TRHDE: variants seen among roughly 807,000 people sequenced by gnomAD.
TRHDE encodes the protein thyrotropin releasing hormone degrading enzyme.
In TRHDE, 72 loss-of-function variants were observed where a neutral mutation model predicts 125.7. That is an observed-to-expected ratio of 0.57 (90% CI 0.47 to 0.70). The LOEUF is 0.70. Ranked by LOEUF, TRHDE falls within the 30% of genes least tolerant of loss-of-function variation. TRHDE has a pLI of 0.00. For missense variants in TRHDE, 1,110 were observed against 1,327.1 expected (o/e 0.84, Z 2.54); for synonymous variants, 509 against 509.1 (o/e 1.00, Z 0.00).
chr12:72,663,319 A>AT lies in TRHDE; in HGVS notation c.*134dup, dbSNP rs575989454. 1,753 of 644,372 alleles carry AT rather than the reference A, an allele frequency of 2.7e-3. No homozygotes were observed. The highest frequency in any genetic ancestry group is 4.9e-3 in the Middle Eastern group (10 of 2,058). 39.9% of individuals were successfully genotyped at this position (644,372 alleles called of 1,614,324 possible). ...TTTTCAGTGTTAACGTGTGGGAGGA[A>AT]TTTTTTTTTTAGTTTTTATTTTTTG... On this transcript the variant is annotated 3_prime_UTR_variant, in exon 19 of 19. Coordinates refer to ENST00000261180, the MANE Select transcript of TRHDE (RefSeq NM_013381.3).
At position 72,653,002 on chromosome 12, in the gene TRHDE, T is replaced by A. The variant is rs1278603220; in HGVS notation, c.2844-14T>A. The stretch of plus-strand genomic sequence containing the variant: ...TATTGGACTAAAAATTTTTACAAAA[T>A]TCTATCTTTGAAGGCTTCTAAATCT... On this transcript the variant is annotated splice_polypyrimidine_tract_variant and intron_variant, in intron 16 of 18. Coordinates refer to ENST00000261180, the MANE Select transcript of TRHDE (RefSeq NM_013381.3). 1 of 1,583,390 alleles carries A rather than the reference T, an allele frequency of 6.3e-7. No individual in the cohort carries two copies. Among genetic ancestry groups the A allele is most frequent in the Admixed American group, 1.9e-5 (1 of 53,164 alleles).
chr12:72,613,804 G>A (rs1592572603), intron 12 of TRHDE, among the ~76,000 whole-genome samples: 1 of 152,110 alleles, frequency 6.6e-6, no homozygotes, highest in African/African-American at 2.4e-5. Flanking sequence ...TTTTCTCTGT[G>A]CACCTTTTCA....
chr12:72,593,092 T>C (rs1474676760), intron 12 of TRHDE, among the ~76,000 whole-genome samples: 2 of 152,216 alleles, frequency 1.3e-5, no homozygotes, highest in Non-Finnish European at 2.9e-5. Flanking sequence ...AGGAATATGC[T>C]TGCTGTCTCT....
At chr12:72,370,946 T>TTGGCCA (rs1486952325) in intron 2 of TRHDE, among the ~76,000 whole-genome samples, 1 of 152,118 alleles carries the variant, frequency 6.6e-6, no homozygotes, top group Non-Finnish European at 1.5e-5. Flanking sequence ...TTTCGCCATG[T>TTGGCCA]TGGCCATGCG....
At chr12:72,475,614 T>C (rs1227063317) in intron 5 of TRHDE, among the ~76,000 whole-genome samples, 2 of 152,184 alleles carry the variant, frequency 1.3e-5, no homozygotes, top group African/African-American at 4.8e-5. Flanking sequence ...TTCTGGAAAA[T>C]ATTTTTAGAG....
chr12:72,254,984 T>A (rs1271074753), intron 2 of TRHDE: 3 of 152,294 alleles, frequency 2.0e-5, no homozygotes, highest in Non-Finnish European at 4.4e-5. Flanking sequence ...TCTTTTTCCA[T>A]TCACTCTTGA....
intron 3 of TRHDE, among the ~76,000 whole-genome samples, chr12:72,439,346 T>C (rs1185079734): frequency 1.3e-5 from 2 of 151,914 alleles, no homozygotes; most frequent in African/African-American, 4.8e-5. Context: ...ATATCATTGG[T>C]TATTTTGATA....
upstream of TRHDE, chr12:72,271,927 G>A: frequency 2.2e-6 from 1 of 456,620 alleles, no homozygotes; most frequent in Non-Finnish European, 4.4e-6. Flanking sequence ...GCAACCTCCT[G>A]CCGTTTGCCG....
chr12:72,100,587 C>T (rs904413512), intron 1 of TRHDE, among the ~76,000 whole-genome samples: 1 of 152,156 alleles, frequency 6.6e-6, no homozygotes, highest in African/African-American at 2.4e-5. Context: ...CTGTGGACAT[C>T]CCTTCTACTT....
At position 72,669,933 on chromosome 12, in the gene TRHDE, A is replaced by T. The variant is rs1875209415; in HGVS notation, c.*6738A>T. The T allele has an allele frequency of 6.6e-6, 1 of 151,776 alleles. No individual in the cohort carries two copies. Among genetic ancestry groups the T allele is most frequent in the Admixed American group, 6.6e-5 (1 of 15,178 alleles). 9.4% of individuals were successfully genotyped at this position (151,776 alleles called of 1,614,324 possible). A position where few individuals can be genotyped will look rare whatever the true frequency, so the allele number is the denominator to read the frequency against. ...CAGATTAGGGCTGAAAAACTAAAAA[A>T]GATTAGGGCTTGTATTATGCATTGT... is the stretch of plus-strand genomic sequence containing the variant. On this transcript the variant is annotated 3_prime_UTR_variant, in exon 19 of 19. Transcript: ENST00000261180.
At chr12:72,204,617 T>G (rs765413730) in intron 2 of TRHDE, among the ~76,000 whole-genome samples, 1 of 152,210 alleles carries the variant, frequency 6.6e-6, no homozygotes, top group Non-Finnish European at 1.5e-5. Context: ...AAATTTAAAT[T>G]CATTACTTTT....
At chr12:72,544,166 G>C (rs894470462) in intron 7 of TRHDE, among the ~76,000 whole-genome samples, 1 of 151,408 alleles carries the variant, frequency 6.6e-6, no homozygotes, top group Non-Finnish European at 1.5e-5. Context: ...AACTGATTTA[G>C]TGTATCATCA....
In TRHDE at chr12:72,273,510, G is replaced by A. The variant is rs531451722; in HGVS notation, c.867G>A (p.Glu289=). The A allele has an allele frequency of 9.9e-6, 16 of 1,608,384 alleles. 1 individual carries two copies. In the South Asian group the frequency reaches 1.8e-4, roughly 18 times the overall value. Residue 289 remains glutamate, a synonymous_variant, in exon 1 of 19, where the codon GAG becomes GAA. Coordinates refer to ENST00000261180, the MANE Select transcript of TRHDE (RefSeq NM_013381.3). The surrounding 1 kb of genome is among the most constrained non-coding windows in gnomAD (Gnocchi z 5.3). ...TCTACAACGCGCTCATCGAGAATGA[G>A]CTCCTGGGCTTCTTCCGCAGCTCCT... ...KIIYNALIEN[E]LLGFFRSSYV... is the part of the protein sequence containing the mutation.
At chr12:72,590,159 T>A (rs1871612882) in intron 12 of TRHDE, among the ~76,000 whole-genome samples, 1 of 152,000 alleles carries the variant, frequency 6.6e-6, no homozygotes, top group African/African-American at 2.4e-5. Flanking sequence ...TTACTTTATT[T>A]TTTTTGTTTT....
intron 3 of TRHDE, among the ~76,000 whole-genome samples, chr12:72,468,543 C>T (rs960655909): frequency 6.6e-6 from 1 of 152,180 alleles, no homozygotes; most frequent in African/African-American, 2.4e-5. Flanking sequence ...AAACACTATG[C>T]TTGGCATTGT....
chr12:72,420,412 A>C (rs973884077), intron 3 of TRHDE, among the ~76,000 whole-genome samples: 1 of 152,176 alleles, frequency 6.6e-6, no homozygotes, highest in African/African-American at 2.4e-5. Context: ...TGGAAGGTGC[A>C]AACTATTTAC....
intron 5 of TRHDE, among the ~76,000 whole-genome samples, chr12:72,486,723 C>T (rs1877426023): frequency 6.6e-6 from 1 of 152,126 alleles, no homozygotes; most frequent in African/African-American, 2.4e-5. Context: ...AGTATGCAAA[C>T]ATACATGCAG....
chr12:72,448,161 C>G (rs751856589), intron 3 of TRHDE, among the ~76,000 whole-genome samples: 4 of 152,036 alleles, frequency 2.6e-5, no homozygotes, highest in African/African-American at 4.8e-5. Flanking sequence ...ACATTTCTTG[C>G]TAATTCTGTT....
chr12:72,315,670 C>A (rs1565695451), intron 2 of TRHDE, among the ~76,000 whole-genome samples: 2 of 152,192 alleles, frequency 1.3e-5, no homozygotes, highest in African/African-American at 2.4e-5. Flanking sequence ...CACAGGAGCC[C>A]AGGACTGGTG....
Sources: gnomAD v4.1 joint callset for allele counts (sites outside exome capture counted in the v4.1 genomes callset) on GRCh38, gnomAD v4.1.1 for gene constraint, Gnocchi (gnomAD v3.1) non-coding constraint, MANE v1.5 for transcripts, NCBI Gene and HGNC (gene_info 2026-07-23, HGNC 2026-07-21) for gene names.